Variants in EIF3B observed in about 807,000 individuals in gnomAD.
EIF3B encodes the protein eukaryotic translation initiation factor 3 subunit B.
A neutral mutation model predicts 104.6 loss-of-function variants in EIF3B; 10 were observed. The ratio of observed to expected loss-of-function variants is 0.10; its 90% CI spans 0.06 to 0.16. The LOEUF is 0.16. Ranked by LOEUF, EIF3B falls within the 10% of genes least tolerant of loss-of-function variation. The pLI is 1.00. For synonymous variants in EIF3B, 542 were observed against 417.2 expected, an observed-to-expected ratio of 1.30 and a Z score of -3.65; for missense variants, 1,014 against 1,087.9, an observed-to-expected ratio of 0.93 and a Z score of 0.96.
At chr7:2,359,562 C>A (rs965379296) in intron 1 of EIF3B, among the ~76,000 whole-genome samples, 1 of 152,160 alleles carries the variant, frequency 6.6e-6, no homozygotes, top group Non-Finnish European at 1.5e-5. Context: ...TCCTCTGTAA[C>A]GTCCGTTATA....
intron 9 of EIF3B, among the ~76,000 whole-genome samples, chr7:2,368,949 A>G (rs1282961066): frequency 6.6e-6 from 1 of 152,220 alleles, no homozygotes; most frequent in Non-Finnish European, 1.5e-5. Context: ...TAGCGTGTAT[A>G]AAGATGTTTT....
intron 2 of EIF3B, among the ~76,000 whole-genome samples, chr7:2,361,176 G>C (rs1779706598): frequency 6.6e-6 from 1 of 152,184 alleles, no homozygotes; most frequent in Non-Finnish European, 1.5e-5. Context: ...CTTGAAGCCT[G>C]AGGCCAGGAG....
At chr7:2,368,671 GAGGGGACTCT>G (rs1337745327) in intron 9 of EIF3B, among the ~76,000 whole-genome samples, 1 of 152,240 alleles carries the variant, frequency 6.6e-6, no homozygotes, top group Non-Finnish European at 1.5e-5. Flanking sequence ...TTAAGGAAAA[GAGGGGACTCT>G]GCTTAGGTGA....
At position 2,355,048 on chromosome 7, in the gene EIF3B, C is replaced by T; in HGVS notation, c.127C>T (p.Pro43Ser). The T allele has an allele frequency of 8.2e-7, 1 of 1,213,284 alleles. No homozygotes were observed. The highest frequency in any genetic ancestry group is 4.0e-5 in the South Asian group (1 of 25,156). The allele number at this position is 1,213,284 out of a possible 1,614,324, so 75.2% of individuals were successfully genotyped here. ...GLLRPAGPGA[P>S]EAAGTEASSE... ...GCTGCGGCCCGCGGGGCCCGGCGCT[C>T]CGGAGGCCGCGGGGACCGAGGCCTC... is the stretch of plus-strand genomic sequence containing the variant. Residue 43 changes from proline (P) to serine (S), a missense_variant, in exon 1 of 19, where the codon CCG becomes TCG. Physicochemically the swap from Pro to Ser is moderately conservative, Grantham distance 74. Transcript: ENST00000360876.
chr7:2,379,110 T>C (rs1224769778), intron 16 of EIF3B, 24 bp from the exon 17 acceptor site: 2 of 1,607,402 alleles, frequency 1.2e-6, no homozygotes, highest in East Asian at 4.5e-5. Context: ...ACCAGTTCTG[T>C]GCTTTCCCCA....
At chr7:2,355,610 CCCCTTTTCTTTCCTGAAA>C (rs532633070) in intron 1 of EIF3B, among the ~76,000 whole-genome samples, 190 bp downstream of exon 1, 176 of 152,294 alleles carry the variant, frequency 1.2e-3, no homozygotes, top group African/African-American at 4.1e-3. Flanking sequence ...CCCAGCGCCT[CCCCTTTTCTTTCCTGAAA>C]AAGGGGACAG....
At chr7:2,368,873 G>T (rs1204691175) in intron 9 of EIF3B, among the ~76,000 whole-genome samples, 1 of 152,146 alleles carries the variant, frequency 6.6e-6, no homozygotes, top group African/African-American at 2.4e-5. Context: ...ACATTCTTGG[G>T]CAAAATTATG....
intron 18 of EIF3B, 28 bp downstream of exon 18, chr7:2,379,539 G>A: frequency 1.4e-6 from 2 of 1,413,772 alleles, no homozygotes; most frequent in Non-Finnish European, 2.0e-6. Flanking sequence ...GCGCGATGGG[G>A]GTCCTGTTGG....
chr7:2,366,652 T>G (rs1780041788), intron 8 of EIF3B, 61 bp downstream of exon 8: 2 of 1,578,596 alleles, frequency 1.3e-6, no homozygotes, highest in Non-Finnish European at 1.7e-6. Context: ...CGGGGTGTGG[T>G]GCCTTTCCTT....
At chr7:2,360,943 C>G in intron 2 of EIF3B, 41 bp downstream of exon 2, 1 of 1,516,838 alleles carries the variant, frequency 6.6e-7, no homozygotes, top group Non-Finnish European at 9.1e-7. Flanking sequence ...CTGTGTCTGG[C>G]ACGTCATGAT....
At chr7:2,357,253 G>T (rs969746436) in intron 1 of EIF3B, among the ~76,000 whole-genome samples, 39 of 152,268 alleles carry the variant, frequency 2.6e-4, no homozygotes, top group African/African-American at 9.1e-4. Context: ...GCTGGGTGAC[G>T]GCTGTGGGTC....
Position 2,380,359 on chromosome 7 carries a change from C to G in EIF3B, c.*170C>G, listed in dbSNP as rs530959610. ...CGCCTCCTCCCTGTGCTCTCTGGCT[C>G]TGGACTGTGACTGCGCCTGGATTCT... On this transcript the variant is annotated 3_prime_UTR_variant, in exon 19 of 19. Transcript: ENST00000360876. 2.5e-5 allele frequency: 13 copies of G among 518,900 alleles called. No homozygotes were observed. Among genetic ancestry groups the G allele is most frequent in the African/African-American group, 2.5e-4 (13 of 52,098 alleles). The allele number at this position is 518,900 out of a possible 1,614,324, so 32.1% of individuals were successfully genotyped here.
intron 1 of EIF3B, 37 bp downstream of exon 1, chr7:2,355,457 G>C (rs1778345251): frequency 1.4e-6 from 2 of 1,411,940 alleles, no homozygotes; most frequent in East Asian, 5.7e-5. Context: ...GAGCGGCGCG[G>C]GAGCGTGGCT....
intron 6 of EIF3B, among the ~76,000 whole-genome samples, chr7:2,365,923 T>C (rs1172789871): frequency 6.6e-6 from 1 of 152,024 alleles, no homozygotes; most frequent in Non-Finnish European, 1.5e-5. Flanking sequence ...GGACCTTGGG[T>C]GATCCACCCA....
Position 2,379,379 on chromosome 7 carries a change from C to T in EIF3B, c.2342-15C>T, listed in dbSNP as rs780897782. The T allele has an allele frequency of 4.2e-5, 66 of 1,574,796 alleles. No individual in the cohort carries two copies. The South Asian group carries it at 5.0e-4, about 12-fold the overall frequency. ...ATGTGCCCCCATGGGTGATCTGCGC[C>T]CTTTGTCCCCTCAGGGGTGGACACT... is the stretch of plus-strand genomic sequence containing the variant. On this transcript the variant is annotated splice_polypyrimidine_tract_variant and intron_variant, in intron 17 of 18. Coordinates refer to ENST00000360876, the MANE Select transcript of EIF3B (RefSeq NM_001037283.2).
At chr7:2,362,529 A>C in intron 2 of EIF3B, 116 bp from the exon 3 acceptor site, 1 of 1,321,356 alleles carries the variant, frequency 7.6e-7, no homozygotes, top group African/African-American at 1.4e-5. Flanking sequence ...AGGCAGGAAG[A>C]GCAGCACAGA....
chr7:2,372,256 T>A (rs1475866910), intron 11 of EIF3B: 1 of 227,152 alleles, frequency 4.4e-6, no homozygotes, highest in Non-Finnish European at 8.7e-6. Context: ...CTTTTTGTTT[T>A]GCCATGGAGA....
rs747479647 is a variant in EIF3B, at chr7:2,362,708, C to A, written c.756C>A (p.Gly252=). The change falls in exon 3 of 19, where the codon GGC becomes GGA. Residue 252 remains glycine, a synonymous_variant. Coordinates refer to ENST00000360876, the MANE Select transcript of EIF3B (RefSeq NM_001037283.2). ...TGGATGCTGTGAAGAACGCCGACGG[C>A]TACAAGCTTGACAAGCAGCACACAT... The part of the protein sequence containing the change: ...HAVDAVKNAD[G]YKLDKQHTFR... 1.9e-6 allele frequency: 3 copies of A among 1,614,242 alleles called. No individual in the cohort carries two copies. The highest frequency in any genetic ancestry group is 3.3e-5 in the Admixed American group (2 of 60,020).
intron 13 of EIF3B, chr7:2,375,180 G>A (rs892089512): frequency 1.8e-6 from 1 of 547,554 alleles, no homozygotes; most frequent in Admixed American, 3.1e-5. Flanking sequence ...AAAATAATAT[G>A]ATGGCAGTCA....
Sources: allele counts gnomAD v4.1 joint callset (sites outside exome capture counted in the v4.1 genomes callset), GRCh38; gene constraint gnomAD v4.1.1; transcripts MANE v1.5; gene names NCBI Gene and HGNC (gene_info 2026-07-23, HGNC 2026-07-21).